The following COL4A6 variants were observed in gnomAD, a reference collection of about 807,000 sequenced individuals.
COL4A6 encodes collagen alpha-6(IV) chain.
In COL4A6, 59 loss-of-function variants were observed where a neutral mutation model predicts 126.7. The observed-to-expected ratio is 0.47, with a 90% CI of 0.38 to 0.58. The LOEUF is 0.58. Ranked by LOEUF, COL4A6 falls within the 20% of genes least tolerant of loss-of-function variation. COL4A6 has a pLI of 0.00. For missense variants in COL4A6, 1,285 were observed against 1,337.3 expected (o/e 0.96, Z 0.61); for synonymous variants, 547 against 496.6 (o/e 1.10, Z -1.35).
At chrX:108,236,094 C>T (rs757160213) in intron 3 of COL4A6, among the ~76,000 whole-genome samples, 2 of 111,555 alleles carry the variant, frequency 1.8e-5, no homozygotes, top group Admixed American at 1.9e-4. Flanking sequence ...ATACAGAATT[C>T]TGTAGAGATA....
chrX:108,294,665 G>A (rs1241385024), intron 3 of COL4A6, among the ~76,000 whole-genome samples: 4 of 111,593 alleles, frequency 3.6e-5, no homozygotes, highest in Non-Finnish European at 1.9e-5. Flanking sequence ...ATCTGTCTTT[G>A]ACTCTGAATT....
intron 2 of COL4A6, among the ~76,000 whole-genome samples, chrX:108,407,456 G>A (rs1271737960): frequency 8.9e-6 from 1 of 112,448 alleles, no homozygotes; most frequent in African/African-American, 3.2e-5. Flanking sequence ...AGGGGTAATA[G>A]TAAGCTTCTT....
chrX:108,423,139 G>A (rs1367907837), intron 2 of COL4A6, among the ~76,000 whole-genome samples: 5 of 111,981 alleles, frequency 4.5e-5, no homozygotes, highest in Non-Finnish European at 7.5e-5. Context: ...TGTCTTCTAA[G>A]TTTCCTTTGA....
intron 2 of COL4A6, among the ~76,000 whole-genome samples, chrX:108,318,440 G>C (rs2038940251): frequency 9.0e-6 from 1 of 110,505 alleles, no homozygotes; most frequent in Non-Finnish European, 1.9e-5. Context: ...AATTGTCCCT[G>C]TTTGCAGACG....
At position 108,156,834 on chromosome X, in the gene COL4A6, C is replaced by T. The variant is rs1190765987; in HGVS notation, c.*166G>A. The T allele has an allele frequency of 1.7e-5, 9 of 523,056 alleles. No homozygotes were observed. Among genetic ancestry groups the T allele is most frequent in the East Asian group, 3.3e-5 (1 of 30,180 alleles). 43.1% of individuals were successfully genotyped at this position (523,056 alleles called of 1,213,427 possible). A position where few individuals can be genotyped will look rare whatever the true frequency, so the allele number is the denominator to read the frequency against. On this transcript the variant is annotated 3_prime_UTR_variant, in exon 45 of 45. Coordinates refer to ENST00000334504, the MANE Select transcript of COL4A6 (RefSeq NM_033641.4). ...CAGGGTGGGCTCATCTCTATGGACC[C>T]GAGGGCTGGGGTGACGAGTGTCCGG...
rs139953412 is a variant in COL4A6, at chrX:108,209,771, G to T, written c.546+198C>A. ...TAAAGTCTGAAAGCCTGCTTGTCAT[G>T]CAACTTGACAGTGGACAGTTCATCC... On this transcript the variant is annotated intron_variant, in intron 8 of 44. Transcript: ENST00000334504. Among the ~76,000 whole-genome samples, 117 of 112,443 alleles carry T rather than the reference G, an allele frequency of 1.0e-3. 5 individuals are homozygous for T. In the East Asian group the frequency reaches 0.032, roughly 31 times the overall value.
intron 3 of COL4A6, among the ~76,000 whole-genome samples, chrX:108,305,263 A>G (rs748110181): frequency 1.8e-5 from 2 of 112,387 alleles, no homozygotes; most frequent in East Asian, 5.6e-4. Flanking sequence ...AAAACCTGCA[A>G]CACATTAAAC....
At chrX:108,400,015 G>A (rs2041051642) in intron 2 of COL4A6, among the ~76,000 whole-genome samples, 1 of 110,643 alleles carries the variant, frequency 9.0e-6, no homozygotes, top group Non-Finnish European at 1.9e-5. Flanking sequence ...ATCAGACTCT[G>A]TATTCAGACT....
intron 28 of COL4A6, among the ~76,000 whole-genome samples, 166 bp from the exon 29 acceptor site, chrX:108,175,963 C>T (rs762859237): frequency 9.9e-5 from 11 of 111,186 alleles, no homozygotes; most frequent in Non-Finnish European, 1.9e-4. Flanking sequence ...TTACCAAACT[C>T]TTATTTATTA....
Position 108,318,377 on chromosome X carries a change from G to A in COL4A6, c.64-7549C>T, listed in dbSNP as rs374692203. ...TAGTGTTGGAAGTTCTGGCCAGGGC[G>A]ATTAGGCAGGAGAAGGAAATAAATG... On this transcript the variant is annotated intron_variant, in intron 2 of 44. Transcript: ENST00000334504. Among the ~76,000 whole-genome samples the A allele has an allele frequency of 7.0e-4, 78 of 111,270 alleles. 3 individuals are homozygous for A. In the East Asian group the frequency reaches 0.011, roughly 15 times the overall value.
chrX:108,362,055 T>G (rs1320306604), intron 2 of COL4A6, among the ~76,000 whole-genome samples: 1 of 103,133 alleles, frequency 9.7e-6, no homozygotes, highest in Non-Finnish European at 2.0e-5. Context: ...TCAAACTAGT[T>G]TGTGTGTGTG....
intron 2 of COL4A6, among the ~76,000 whole-genome samples, chrX:108,331,081 G>T (rs1482620459): frequency 9.0e-6 from 1 of 111,381 alleles, no homozygotes; most frequent in South Asian, 3.7e-4. Context: ...TTATTTTCCC[G>T]CCTTGACCTA....
At chrX:108,411,275 A>C (rs1168915894) in intron 2 of COL4A6, among the ~76,000 whole-genome samples, 3 of 112,072 alleles carry the variant, frequency 2.7e-5, no homozygotes, top group African/African-American at 9.7e-5. Flanking sequence ...CCTTAAAAAT[A>C]TAAGGAAAAG....
chrX:108,194,952 T>C (rs771962490), intron 15 of COL4A6, 130 bp downstream of exon 15: 4 of 542,425 alleles, frequency 7.4e-6, no homozygotes, highest in African/African-American at 4.7e-5. Flanking sequence ...GCTAAGATTA[T>C]ACCAAAAAAA....
At chrX:108,188,429 T>C in intron 21 of COL4A6, 88 bp downstream of exon 21, 1 of 916,709 alleles carries the variant, frequency 1.1e-6, no homozygotes, top group Non-Finnish European at 1.4e-6. Context: ...ATCTCTCTTG[T>C]ATGTGCTTTA....
chrX:108,425,595 A>G (rs1255748523), intron 2 of COL4A6, among the ~76,000 whole-genome samples: 2 of 109,195 alleles, frequency 1.8e-5, no homozygotes, highest in African/African-American at 6.7e-5. Context: ...TTAGCCGGGC[A>G]TGGTGACGGG....
chrX:108,382,980 TAATAA>T (rs947203068), intron 2 of COL4A6, among the ~76,000 whole-genome samples: 9 of 102,773 alleles, frequency 8.8e-5, no homozygotes, highest in African/African-American at 2.8e-4. Flanking sequence ...ATAATAATAA[TAATAA>T]TAATAATAAT....
At chrX:108,343,309 C>T (rs1322557316) in intron 2 of COL4A6, among the ~76,000 whole-genome samples, 2 of 106,054 alleles carry the variant, frequency 1.9e-5, no homozygotes, top group Non-Finnish European at 3.9e-5. Context: ...TGTCTTCATG[C>T]CATCTAAATC....
intron 8 of COL4A6, among the ~76,000 whole-genome samples, chrX:108,208,658 A>G (rs746095460): frequency 6.2e-4 from 69 of 112,026 alleles, no homozygotes; most frequent in African/African-American, 2.0e-3. Context: ...TAAACATAAG[A>G]CAGTGAAATC....
Sources: gnomAD v4.1 joint callset for allele counts (sites outside exome capture counted in the v4.1 genomes callset) on GRCh38, gnomAD v4.1.1 for gene constraint, MANE v1.5 for transcripts, NCBI Gene and HGNC (gene_info 2026-07-23, HGNC 2026-07-21) for gene names.